The following FMN1 variants were observed in gnomAD, a reference collection of about 807,000 sequenced individuals.
FMN1 encodes formin-1.
In FMN1, 110 loss-of-function variants were observed where a neutral mutation model predicts 132.4. The ratio of observed to expected loss-of-function variants is 0.83; its 90% CI spans 0.71 to 0.97. FMN1 has a LOEUF of 0.97. Among genes scored for constraint, FMN1 ranks in the 50% least tolerant of loss-of-function variants. The pLI is 0.00. For missense variants in FMN1, 1,792 were observed against 1,705.3 expected, an observed-to-expected ratio of 1.05 and a Z score of -0.90; for synonymous variants, 722 against 651.7, an observed-to-expected ratio of 1.11 and a Z score of -1.64.
chr15:33,123,706 T>C (rs986340931), intron 4 of FMN1, among the ~76,000 whole-genome samples: 1 of 152,218 alleles, frequency 6.6e-6, no homozygotes, highest in African/African-American at 2.4e-5. Flanking sequence ...CTTCCATGAA[T>C]TCCTCACTCC....
intron 7 of FMN1, among the ~76,000 whole-genome samples, chr15:32,975,869 A>C (rs907460704): frequency 6.6e-6 from 1 of 152,042 alleles, no homozygotes; most frequent in African/African-American, 2.4e-5. Flanking sequence ...TTCCCCTACC[A>C]AATCCTCATT....
At chr15:32,803,076 G>A (rs1054503874) in intron 18 of FMN1, among the ~76,000 whole-genome samples, 1 of 152,168 alleles carries the variant, frequency 6.6e-6, no homozygotes, top group East Asian at 1.9e-4. Context: ...AGGGCAGATG[G>A]CACCGTCTAT....
chr15:33,007,930 C>G, intron 7 of FMN1, 84 bp downstream of exon 7: 1 of 1,206,964 alleles, frequency 8.3e-7, no homozygotes, highest in Non-Finnish European at 1.2e-6. Context: ...AACACTTCAA[C>G]TTAAGAGGAA....
At chr15:33,000,965 G>T (rs2034068293) in intron 7 of FMN1, among the ~76,000 whole-genome samples, 1 of 152,182 alleles carries the variant, frequency 6.6e-6, no homozygotes, top group Admixed American at 6.5e-5. Context: ...ACAGCAGGAA[G>T]ATCACAGACA....
chr15:32,804,512 G>GT (rs1491172642), intron 17 of FMN1, among the ~76,000 whole-genome samples, 180 bp from the exon 18 acceptor site: 2 of 106,886 alleles, frequency 1.9e-5, no homozygotes, highest in African/African-American at 3.4e-5. Context: ...TGCTACCACT[G>GT]CTTTTTTTTT....
At chr15:32,959,594 T>C (rs920028597) in intron 9 of FMN1, among the ~76,000 whole-genome samples, 5 of 152,196 alleles carry the variant, frequency 3.3e-5, no homozygotes, top group Non-Finnish European at 1.5e-5. Flanking sequence ...ACGGATTCCA[T>C]GGGGCAATGG....
At chr15:33,100,812 A>G (rs1020009394) in intron 4 of FMN1, among the ~76,000 whole-genome samples, 1 of 152,218 alleles carries the variant, frequency 6.6e-6, no homozygotes, top group Non-Finnish European at 1.5e-5. Flanking sequence ...AATATAATCT[A>G]TGACAGAAAA....
chr15:32,969,498 A>T, intron 7 of FMN1, 21 bp from the exon 8 acceptor site: 2 of 1,607,710 alleles, frequency 1.2e-6, no homozygotes, highest in Non-Finnish European at 1.7e-6. Context: ...ATTCAGAGGG[A>T]AAGAAAGTAA....
chr15:33,104,976 T>TCC (rs1453812407), intron 4 of FMN1, among the ~76,000 whole-genome samples: 1 of 152,082 alleles, frequency 6.6e-6, no homozygotes, highest in Non-Finnish European at 1.5e-5. Context: ...AATGACCCTC[T>TCC]CCCTCTCCAA....
chr15:32,834,586 T>C (rs2058581318), intron 17 of FMN1, among the ~76,000 whole-genome samples: 1 of 152,194 alleles, frequency 6.6e-6, no homozygotes, highest in African/African-American at 2.4e-5. Context: ...CAAGCTCTGT[T>C]CATCTAATTC....
At chr15:32,994,979 A>G (rs997642299) in intron 7 of FMN1, among the ~76,000 whole-genome samples, 1 of 152,166 alleles carries the variant, frequency 6.6e-6, no homozygotes, top group Non-Finnish European at 1.5e-5. Context: ...ATGTGTTTCA[A>G]TCATCAAAAG....
chr15:33,033,998 C>T (rs345878), intron 6 of FMN1, among the ~76,000 whole-genome samples: 58,317 of 151,860 alleles, frequency 0.38, 11,654 homozygotes, highest in Admixed American at 0.48. Flanking sequence ...CTTTCTGTTG[C>T]AGGTCCCCTG....
intron 15 of FMN1, among the ~76,000 whole-genome samples, 195 bp downstream of exon 15, chr15:32,898,639 A>G (rs181304394): frequency 7.2e-4 from 109 of 152,296 alleles, no homozygotes; most frequent in Admixed American, 1.5e-3. Context: ...GTAGATTTAC[A>G]CCACTGAATA....
intron 16 of FMN1, among the ~76,000 whole-genome samples, chr15:32,881,457 G>C (rs759479029): frequency 9.9e-5 from 15 of 152,082 alleles, no homozygotes; most frequent in Non-Finnish European, 1.2e-4. Flanking sequence ...TTCTACTATC[G>C]TTCTAGAAAT....
intron 5 of FMN1, among the ~76,000 whole-genome samples, chr15:33,075,543 T>C (rs1033693958): frequency 5.3e-5 from 8 of 152,324 alleles, no homozygotes; most frequent in Admixed American, 5.2e-4. Flanking sequence ...GATTCTTCCA[T>C]CTGTGTCACT....
chr15:32,975,039 T>G (rs532683114), intron 7 of FMN1, among the ~76,000 whole-genome samples: 4 of 152,202 alleles, frequency 2.6e-5, no homozygotes, highest in Admixed American at 2.6e-4. Context: ...TAACCAACAC[T>G]CATATCTTCA....
intron 4 of FMN1, among the ~76,000 whole-genome samples, chr15:33,101,049 T>C (rs2039274778): frequency 1.3e-5 from 2 of 152,296 alleles, no homozygotes; most frequent in South Asian, 4.2e-4. Flanking sequence ...TACCGTTTTT[T>C]CAATGGACTT....
At chr15:32,831,724 A>G (rs1310386790) in intron 17 of FMN1, among the ~76,000 whole-genome samples, 1 of 151,818 alleles carries the variant, frequency 6.6e-6, no homozygotes, top group Non-Finnish European at 1.5e-5. Flanking sequence ...ACTCATGCAA[A>G]TAATCTCAAA....
intron 9 of FMN1, among the ~76,000 whole-genome samples, chr15:32,932,024 T>C (rs1179317883): frequency 6.6e-6 from 1 of 152,236 alleles, no homozygotes; most frequent in African/African-American, 2.4e-5. Flanking sequence ...TTGATAAATA[T>C]TCATATGTTG....
Sources: allele counts gnomAD v4.1 joint callset (sites outside exome capture counted in the v4.1 genomes callset), GRCh38; gene constraint gnomAD v4.1.1; transcripts MANE v1.5; gene names NCBI Gene and HGNC (gene_info 2026-07-23, HGNC 2026-07-21).